The following ZFHX3 variants were observed in gnomAD, a reference collection of about 807,000 sequenced individuals.
ZFHX3 encodes zinc finger homeobox protein 3.
Under a neutral mutation model 279.1 loss-of-function variants are expected in ZFHX3, and 42 were observed. The observed-to-expected ratio is 0.15, with a 90% CI of 0.12 to 0.19. ZFHX3 has a LOEUF of 0.19. Among genes scored for constraint, ZFHX3 ranks in the 10% least tolerant of loss-of-function variants. The pLI is 1.00. For synonymous variants in ZFHX3, 2,293 were observed against 1,957.8 expected (o/e 1.17, Z -4.52); for missense variants, 4,981 against 4,754.0 (o/e 1.05, Z -1.40).
In ZFHX3 at chr16:73,466,755, A is replaced by C. The variant is rs2018581143; in HGVS notation, c.-1546-10497T>G. On this transcript the variant is annotated intron_variant, in intron 2 of 17. Coordinates refer to the ZFHX3 transcript ENST00000641206. ...CAGTAGGCACCTATGTTGTTACTAG[A>C]AAGCTCAGGGACCTAATCCTGAGTA... Among the ~76,000 whole-genome samples the C allele has an allele frequency of 2.6e-5, 4 of 152,132 alleles. No individual in the cohort carries two copies. In the South Asian group the frequency reaches 8.3e-4, roughly 32 times the overall value.
chr16:73,715,025 C>T (rs538601333), intron 1 of ZFHX3, among the ~76,000 whole-genome samples: 3 of 152,314 alleles, frequency 2.0e-5, no homozygotes, highest in African/African-American at 7.2e-5. Context: ...TCTGCCCTCC[C>T]TACCCCCATG....
chr16:73,689,821 T>TG (rs1189642167), intron 1 of ZFHX3, among the ~76,000 whole-genome samples: 65 of 151,056 alleles, frequency 4.3e-4, no homozygotes, highest in African/African-American at 1.3e-3. Context: ...TTTTTTGTTT[T>TG]TTTTGTTGTT....
chr16:73,032,369 G>A (rs1347797964), intron 1 of ZFHX3, among the ~76,000 whole-genome samples: 1 of 152,062 alleles, frequency 6.6e-6, no homozygotes, highest in Non-Finnish European at 1.5e-5. Flanking sequence ...CTTTCCTAGT[G>A]ACCACAGTCA....
chr16:73,782,064 G>A (rs572809570), intron 1 of ZFHX3, among the ~76,000 whole-genome samples: 1 of 152,178 alleles, frequency 6.6e-6, no homozygotes, highest in East Asian at 1.9e-4. Flanking sequence ...CCCAGGCAGG[G>A]TCTCCATTGC....
chr16:73,652,376 A>G (rs1275998589), intron 2 of ZFHX3, among the ~76,000 whole-genome samples: 1 of 152,242 alleles, frequency 6.6e-6, no homozygotes, highest in African/African-American at 2.4e-5. Flanking sequence ...ATGAAGTTAG[A>G]GTCCTTATTA....
intron 1 of ZFHX3, among the ~76,000 whole-genome samples, chr16:73,784,786 T>TA (rs66537411): frequency 0.038 from 5,067 of 133,732 alleles, 118 homozygotes; most frequent in Middle Eastern, 0.076. Flanking sequence ...TTTAACAAAA[T>TA]AAAAAAAAAA....
intron 2 of ZFHX3, among the ~76,000 whole-genome samples, chr16:73,564,447 C>T (rs551589568): frequency 3.3e-5 from 5 of 152,280 alleles, no homozygotes; most frequent in African/African-American, 9.6e-5. Flanking sequence ...GCTTTCTCTA[C>T]GCTCAAATTA....
chr16:73,513,008 T>C (rs147565911), intron 2 of ZFHX3, among the ~76,000 whole-genome samples: 61 of 152,248 alleles, frequency 4.0e-4, no homozygotes, highest in African/African-American at 1.3e-3. Flanking sequence ...GTTCCCTAGT[T>C]TCAATGAGGA....
intron 2 of ZFHX3, chr16:73,499,186 G>C (rs775207195): frequency 9.9e-5 from 15 of 152,138 alleles, no homozygotes; most frequent in Non-Finnish European, 1.6e-4. Flanking sequence ...CAGTCCCTCA[G>C]GTCCTTTGCC....
At chr16:73,309,700 C>G (rs966553261) in intron 4 of ZFHX3, among the ~76,000 whole-genome samples, 1 of 152,152 alleles carries the variant, frequency 6.6e-6, no homozygotes, top group East Asian at 1.9e-4. Flanking sequence ...GGCATGTACT[C>G]TCAGGAACTT....
At chr16:73,311,642 C>T (rs1359241155) in intron 4 of ZFHX3, among the ~76,000 whole-genome samples, 1 of 147,726 alleles carries the variant, frequency 6.8e-6, no homozygotes, top group African/African-American at 2.5e-5. Flanking sequence ...CAATGGTTAT[C>T]TCTTGATTCG....
chr16:73,702,726 C>G (rs2053261837), intron 1 of ZFHX3, among the ~76,000 whole-genome samples: 1 of 152,032 alleles, frequency 6.6e-6, no homozygotes, highest in Non-Finnish European at 1.5e-5. Flanking sequence ...GGTAGGACTT[C>G]AGTGGAAAAT....
At chr16:73,350,915 G>A (rs996043370) in intron 3 of ZFHX3, among the ~76,000 whole-genome samples, 15 of 152,190 alleles carry the variant, frequency 9.9e-5, no homozygotes, top group Admixed American at 2.0e-4. Flanking sequence ...TGTATCACAA[G>A]CTCCTCAAGG....
At chr16:73,585,503 A>C (rs2143831281) in intron 2 of ZFHX3, among the ~76,000 whole-genome samples, 1 of 152,292 alleles carries the variant, frequency 6.6e-6, no homozygotes, top group South Asian at 2.1e-4. Context: ...TGTGGGGCTT[A>C]ATACCTTGGT....
chr16:73,063,725 C>T (rs1444837224), upstream of ZFHX3, among the ~76,000 whole-genome samples: 1 of 152,208 alleles, frequency 6.6e-6, no homozygotes. Flanking sequence ...GGGATGTACA[C>T]AGTGGTGCCC....
intron 1 of ZFHX3, among the ~76,000 whole-genome samples, chr16:73,027,206 G>T (rs1395880287): frequency 6.6e-6 from 1 of 152,268 alleles, no homozygotes; most frequent in Non-Finnish European, 1.5e-5. Flanking sequence ...GCCAACATGT[G>T]TTGGGTCGGA....
chr16:72,998,390 G>GA (rs780646462), intron 1 of ZFHX3, among the ~76,000 whole-genome samples: 5 of 152,204 alleles, frequency 3.3e-5, no homozygotes, highest in Non-Finnish European at 7.3e-5. Flanking sequence ...AACAGACTGA[G>GA]ACTCTGTCTC....
chr16:73,831,196 G>A (rs933725431), intron 1 of ZFHX3, among the ~76,000 whole-genome samples: 14 of 152,166 alleles, frequency 9.2e-5, no homozygotes, highest in African/African-American at 3.4e-4. Flanking sequence ...CCATTCTCAA[G>A]GCTAAAGGGA....
intron 3 of ZFHX3, among the ~76,000 whole-genome samples, chr16:73,322,822 C>T (rs1470472894): frequency 1.3e-5 from 2 of 152,170 alleles, no homozygotes; most frequent in African/African-American, 2.4e-5. Flanking sequence ...TTTCTACTTT[C>T]AAGGAGTTTA....
Sources: allele counts gnomAD v4.1 joint callset (sites outside exome capture counted in the v4.1 genomes callset), GRCh38; gene constraint gnomAD v4.1.1; transcripts MANE v1.5; gene names NCBI Gene and HGNC (gene_info 2026-07-23, HGNC 2026-07-21).